CDK10: variants seen among roughly 807,000 people sequenced by gnomAD.
The protein encoded by CDK10 is cyclin dependent kinase 10.
Under a neutral mutation model 51.0 loss-of-function variants are expected in CDK10, and 55 were observed. The ratio of observed to expected loss-of-function variants is 1.08; its 90% CI spans 0.87 to 1.35. CDK10 has a LOEUF of 1.35. CDK10 is among the 40% of genes most tolerant of loss of function. The pLI is 0.00. For synonymous variants in CDK10, 255 were observed against 199.1 expected, an observed-to-expected ratio of 1.28 and a Z score of -2.36; for missense variants, 589 against 485.1, an observed-to-expected ratio of 1.21 and a Z score of -2.01.
At chr16:89,691,341 C>A in intron 3 of CDK10, 102 bp from the exon 4 acceptor site, 1 of 783,776 alleles carries the variant, frequency 1.3e-6, no homozygotes, top group Non-Finnish European at 2.0e-6. Flanking sequence ...GGGGACACTG[C>A]AGCACCTGCT....
chr16:89,691,410 G>T, intron 3 of CDK10, 33 bp from the exon 4 acceptor site: 1 of 1,534,144 alleles, frequency 6.5e-7, no homozygotes, highest in Non-Finnish European at 8.9e-7. Context: ...CCATCACTGG[G>T]GTGGGGCTCG....
In CDK10 at chr16:89,695,943, G is replaced by A; in HGVS notation, c.*251G>A. Reference sequence around the variant, plus strand: ...GGCAGGTCTGGCGGCTCCATCCGTGGCTGCAGGGGTCTCATGTGGTCCTCC... The same window carrying A: ...GGCAGGTCTGGCGGCTCCATCCGTGACTGCAGGGGTCTCATGTGGTCCTCC... On this transcript the variant is annotated 3_prime_UTR_variant, in exon 13 of 13. Coordinates refer to ENST00000353379, the MANE Select transcript of CDK10 (RefSeq NM_052988.5). The A allele has an allele frequency of 1.4e-6, 1 of 696,952 alleles. No individual in the cohort carries two copies. Among genetic ancestry groups the A allele is most frequent in the South Asian group, 1.7e-5 (1 of 57,402 alleles). 43.2% of individuals were successfully genotyped at this position (696,952 alleles called of 1,614,324 possible). A position where few individuals can be genotyped will look rare whatever the true frequency, so the allele number is the denominator to read the frequency against.
chr16:89,686,949 C>T (rs2060216552), intron 1 of CDK10, 152 bp downstream of exon 1: 2 of 622,380 alleles, frequency 3.2e-6, no homozygotes, highest in Non-Finnish European at 2.6e-6. Flanking sequence ...GGGCGGAAGC[C>T]GGGGCGGGGC....
chr16:89,695,319 G>A lies in CDK10; in HGVS notation c.959G>A (p.Ser320Asn), dbSNP rs776368383. 6.2e-7 allele frequency: 1 copy of A among 1,612,430 alleles called. No individual in the cohort carries two copies. The highest frequency in any genetic ancestry group is 1.1e-5 in the South Asian group (1 of 90,994). ...KRATAGDCLE[S>N]SYFKEKPLPC... ...GCGACGGCCGGGGACTGCCTGGAGA[G>A]CTCCTATTTCAAGGAGAAGCCCCTA... is the stretch of plus-strand genomic sequence containing the variant. Residue 320 changes from serine (S) to asparagine (N), a missense_variant, in exon 12 of 13, where the codon AGC (serine) becomes AAC (asparagine). Physicochemically the swap from Ser to Asn is conservative, Grantham distance 46 (BLOSUM62 1). Transcript: ENST00000353379.
Position 89,695,087 on chromosome 16 carries a change from G to T in CDK10, c.932+17G>T. On this transcript the variant is annotated intron_variant, in intron 11 of 12. Transcript: ENST00000353379. ...TAAGAAAAGGTGCTGATCTCTGCAC[G>T]GGGGGCAGGGACCCTCACCACCCAC... 1 of 1,605,294 alleles carries T rather than the reference G, an allele frequency of 6.2e-7. No homozygotes were observed. The highest frequency in any genetic ancestry group is 8.5e-7 in the Non-Finnish European group (1 of 1,176,008).
intron 8 of CDK10, chr16:89,693,952 T>C (rs2060572948): frequency 3.3e-6 from 2 of 609,746 alleles, no homozygotes; most frequent in Non-Finnish European, 2.9e-6. Context: ...CGAGGGTCCG[T>C]GGTCCCTGCG....
rs1434842888 is a variant in CDK10, at chr16:89,695,335, G to A, written c.975G>A (p.Glu325=). The change falls in exon 12 of 13, where the codon GAG becomes GAA. Residue 325 remains glutamate, a synonymous_variant. Coordinates refer to ENST00000353379, the MANE Select transcript of CDK10 (RefSeq NM_052988.5). ...GCCTGGAGAGCTCCTATTTCAAGGA[G>A]AAGCCCCTACGTGAGTGTGCAGGGT... ...GDCLESSYFK[E]KPLPCEPELM... 1.9e-6 allele frequency: 3 copies of A among 1,612,604 alleles called. No homozygotes were observed. Among genetic ancestry groups the A allele is most frequent in the Non-Finnish European group, 2.5e-6 (3 of 1,179,086 alleles).
chr16:89,689,639 T>G (rs2151566064), intron 2 of CDK10: 1 of 317,098 alleles, frequency 3.2e-6, no homozygotes, highest in East Asian at 6.9e-5. Flanking sequence ...TGCTCATGTC[T>G]ATCACCTCAG....
In CDK10 at chr16:89,690,490, C is replaced by T. The variant is rs535591287; in HGVS notation, c.161-63C>T. On this transcript the variant is annotated intron_variant, in intron 2 of 12. Coordinates refer to ENST00000353379, the MANE Select transcript of CDK10 (RefSeq NM_052988.5). ...TGTGGCTCAGGGAGAGCCTCCCGTTCAGCGCTAGGGAGCCCACGAGGGGCA... is the reference window on the plus strand; with the variant it reads ...TGTGGCTCAGGGAGAGCCTCCCGTTTAGCGCTAGGGAGCCCACGAGGGGCA... 1.4e-5 allele frequency: 21 copies of T among 1,449,002 alleles called. No homozygotes were observed. In the African/African-American group the frequency reaches 2.4e-4, roughly 16 times the overall value. 89.8% of individuals were successfully genotyped at this position (1,449,002 alleles called of 1,614,324 possible). A position where few individuals can be genotyped will look rare whatever the true frequency, so the allele number is the denominator to read the frequency against.
At position 89,694,673 on chromosome 16, in the gene CDK10, G is replaced by C; in HGVS notation, c.677G>C (p.Gly226Ala). 1.9e-6 allele frequency: 3 copies of C among 1,589,474 alleles called. No homozygotes were observed. The highest frequency in any genetic ancestry group is 2.6e-6 in the Non-Finnish European group (3 of 1,169,054). ...TCCACTGTTCTCTGCAGGGCTGTGG[G>C]CTGCATACTGGCCGAGCTGCTGGCG... ...QTTSIDMWAV[G>A]CILAELLAHR... Residue 226 changes from glycine (G) to alanine (A), a missense_variant, in exon 10 of 13, where the codon GGC (glycine) becomes GCC (alanine). Physicochemically the swap from Gly to Ala is moderately conservative, Grantham distance 60 (BLOSUM62 0). Transcript: ENST00000353379.
chr16:89,687,688 C>G (rs1567509216), intron 1 of CDK10: 2 of 434,570 alleles, frequency 4.6e-6, no homozygotes, highest in Non-Finnish European at 9.4e-6. Context: ...CTCGGCCTCC[C>G]AAGTGCTGGA....
chr16:89,692,588 AC>A, intron 6 of CDK10, 72 bp downstream of exon 6: 2 of 1,196,822 alleles, frequency 1.7e-6, no homozygotes, highest in Non-Finnish European at 2.3e-6. Flanking sequence ...CTGTGGAGTT[AC>A]TAAAAGCTCA....
Position 89,691,080 on chromosome 16 carries a change from G to C in CDK10, c.233-363G>C, listed in dbSNP as rs2060424178. On this transcript the variant is annotated intron_variant, in intron 3 of 12. Coordinates refer to ENST00000353379, the MANE Select transcript of CDK10 (RefSeq NM_052988.5). Reference sequence around the variant, plus strand: ...GCAGGCGGATCACCTGAGGTCGGCAGTTCAAGACCAGCCTGACCAACATGG... The same window carrying C: ...GCAGGCGGATCACCTGAGGTCGGCACTTCAAGACCAGCCTGACCAACATGG... 2.6e-5 allele frequency among the ~76,000 whole-genome samples: 4 copies of C among 152,232 alleles called. No homozygotes were observed. The South Asian group carries it at 8.3e-4, about 31-fold the overall frequency.
Position 89,691,795 on chromosome 16 carries a change from G to T in CDK10, c.336-11G>T. On this transcript the variant is annotated splice_polypyrimidine_tract_variant and intron_variant, in intron 4 of 12. Transcript: ENST00000353379. ...GGCCGGAGAGTGGCATGCATCTTCT[G>T]TTTCTTCCAGCATCTTCCTGGTGAT... 2 of 1,613,588 alleles carry T rather than the reference G, an allele frequency of 1.2e-6. No homozygotes were observed. Among genetic ancestry groups the T allele is most frequent in the Non-Finnish European group, 1.7e-6 (2 of 1,179,540 alleles).
At position 89,690,774 on chromosome 16, in the gene CDK10, A is replaced by AG. The variant is rs2060410420; in HGVS notation, c.232+152dup. 24 of 705,864 alleles carry AG rather than the reference A, an allele frequency of 3.4e-5. 1 individual carries two copies. The South Asian group carries it at 3.9e-4, about 11-fold the overall frequency. The allele number at this position is 705,864 out of a possible 1,614,324, so 43.7% of individuals were successfully genotyped here. A position where few individuals can be genotyped will look rare whatever the true frequency, so the allele number is the denominator to read the frequency against. The stretch of plus-strand genomic sequence containing the variant: ...TGGTGTGGCCCAGCACATCACCCCC[A>AG]GGTCCACACGCAGCCTCAGCTGTCT... On this transcript the variant is annotated intron_variant, in intron 3 of 12. Transcript: ENST00000353379.
chr16:89,693,280 G>A lies in CDK10; in HGVS notation c.492G>A (p.Leu164=). The change falls in exon 7 of 13, where the codon CTG becomes CTA. Residue 164 remains leucine, a synonymous_variant. Transcript: ENST00000353379. ...LHRNFIIHRD[L]KVSNLLMTDK... is the part of the protein sequence containing the mutation. Reference sequence around the variant, plus strand: ...CACTGTTTTTCCATCACAGGGACCTGAAGGTTTCCAACTTGCTCATGACCG... The same window carrying A: ...CACTGTTTTTCCATCACAGGGACCTAAAGGTTTCCAACTTGCTCATGACCG... 6.2e-7 allele frequency: 1 copy of A among 1,614,192 alleles called. No individual in the cohort carries two copies. The highest frequency in any genetic ancestry group is 8.5e-7 in the Non-Finnish European group (1 of 1,180,036).
At chr16:89,694,500 A>T in intron 9 of CDK10, 165 bp from the exon 10 acceptor site, 1 of 1,303,878 alleles carries the variant, frequency 7.7e-7, no homozygotes, top group Non-Finnish European at 1.1e-6. Flanking sequence ...TGCGGGGCCC[A>T]GGAGGGGAGC....
chr16:89,687,038 G>T, intron 1 of CDK10: 1 of 425,190 alleles, frequency 2.4e-6, no homozygotes. Context: ...CGCCCGCGGA[G>T]AGACGGGCCC....
intron 1 of CDK10, among the ~76,000 whole-genome samples, chr16:89,688,280 C>G (rs931285973): frequency 6.6e-6 from 1 of 151,950 alleles, no homozygotes; most frequent in Non-Finnish European, 1.5e-5. Context: ...GACGGAGTTT[C>G]ACCGTGTTAG....
Sources: gnomAD v4.1 joint callset for allele counts (sites outside exome capture counted in the v4.1 genomes callset) on GRCh38, gnomAD v4.1.1 for gene constraint, MANE v1.5 for transcripts, NCBI Gene and HGNC (gene_info 2026-07-23, HGNC 2026-07-21) for gene names.